The following ZNF445 variants were observed in gnomAD, a reference collection of about 807,000 sequenced individuals.
The protein encoded by ZNF445 is zinc finger protein 445, also known as zinc finger protein 168.
Under a neutral mutation model 93.9 loss-of-function variants are expected in ZNF445, and 19 were observed. That is an observed-to-expected ratio of 0.20 (90% CI 0.14 to 0.30). ZNF445 has a LOEUF of 0.30. Ranked by LOEUF, ZNF445 falls within the 10% of genes least tolerant of loss-of-function variation. ZNF445 has a pLI of 1.00. For synonymous variants in ZNF445, 449 were observed against 446.3 expected (o/e 1.01, Z -0.08); for missense variants, 1,058 against 1,259.4 (o/e 0.84, Z 2.42).
At chr3:44,474,237 C>T (rs1039035585) in intron 1 of ZNF445, among the ~76,000 whole-genome samples, 2 of 152,096 alleles carry the variant, frequency 1.3e-5, no homozygotes, top group African/African-American at 2.4e-5. Flanking sequence ...AATATAAGGC[C>T]GGCACGGTGG....
chr3:44,446,949 T>G lies in ZNF445; in HGVS notation c.2722A>C (p.Arg908=). ...CTCTGGTGACTGGAAAGGGTATGTC[T>G]CCCAATGAACTCTTTCCCACACCAC... The part of the protein sequence containing the change: ...CQWCGKEFIG[R]HTLSSHQRKH... Residue 908 remains arginine, a synonymous_variant, in exon 8 of 8, where the codon AGA becomes CGA. Transcript: ENST00000396077. This position sits in a 1 kb window ranked among gnomAD's most constrained non-coding sequence, Gnocchi z 4.2. 2 of 1,614,138 alleles carry G rather than the reference T, an allele frequency of 1.2e-6. No individual in the cohort carries two copies. Among genetic ancestry groups the G allele is most frequent in the Non-Finnish European group, 1.7e-6 (2 of 1,180,026 alleles).
rs554867731 is a variant in ZNF445, at chr3:44,445,554, G to A, written c.*1021C>T. The stretch of plus-strand genomic sequence containing the variant: ...ACTCCATCCCAGGGGCTTCCTTCCT[G>A]AGGACACCAGTCAAGACCCAATCTC... On this transcript the variant is annotated 3_prime_UTR_variant, in exon 8 of 8. Coordinates refer to ENST00000396077, the MANE Select transcript of ZNF445 (RefSeq NM_181489.6). 6.6e-6 allele frequency: 1 copy of A among 152,516 alleles called. No homozygotes were observed. The highest frequency in any genetic ancestry group is 1.5e-5 in the Non-Finnish European group (1 of 68,306). The allele number at this position is 152,516 out of a possible 1,614,324, so 9.4% of individuals were successfully genotyped here. A position where few individuals can be genotyped will look rare whatever the true frequency, so the allele number is the denominator to read the frequency against.
chr3:44,448,321 A>G lies in ZNF445; in HGVS notation c.1350T>C (p.Ile450=). The change falls in exon 8 of 8, where the codon ATT becomes ATC. Residue 450 remains isoleucine, a synonymous_variant. Coordinates refer to ENST00000396077, the MANE Select transcript of ZNF445 (RefSeq NM_181489.6). ...TTTTGTTCCCTTTCAGTCCACTATG[A>G]ATTCTCTGATGTAGGCTGAAGCCCC... The part of the protein sequence containing the change: ...MIGGFSLHQR[I]HSGLKGNKKD... The G allele has an allele frequency of 1.9e-6, 3 of 1,614,100 alleles. No individual in the cohort carries two copies. Among genetic ancestry groups the G allele is most frequent in the Non-Finnish European group, 2.5e-6 (3 of 1,180,016 alleles).
chr3:44,462,578 T>C (rs954571732), intron 1 of ZNF445, among the ~76,000 whole-genome samples: 5 of 152,148 alleles, frequency 3.3e-5, no homozygotes, highest in African/African-American at 4.8e-5. Flanking sequence ...AACTTTGCCA[T>C]TTATTGAGGT....
At chr3:44,474,997 C>G (rs978486211) in intron 1 of ZNF445, among the ~76,000 whole-genome samples, 1 of 152,002 alleles carries the variant, frequency 6.6e-6, no homozygotes, top group South Asian at 2.1e-4. Flanking sequence ...ACTCAGGAGG[C>G]TAAGGAGGGA....
Position 44,446,843 on chromosome 3 carries a change from T to G in ZNF445, c.2828A>C (p.Lys943Thr), listed in dbSNP as rs541459573. Residue 943 changes from lysine (K) to threonine (T), a missense_variant, in exon 8 of 8, where the codon AAG becomes ACG. This residue lies in a region of ZNF445 where 387 missense variants were observed against 475.7 expected (regional missense o/e 0.81). Transcript: ENST00000396077. This position sits in a 1 kb window ranked among gnomAD's most constrained non-coding sequence, Gnocchi z 4.2. Reference sequence around the variant, plus strand: ...GGGCATCTCTTCACTTGGTTTTAGCTTCTGTAATCTCAACTTTGTGTCCTG... The same window carrying G: ...GGGCATCTCTTCACTTGGTTTTAGCGTCTGTAATCTCAACTTTGTGTCCTG... ...SSQDTKLRLQ[K>T]LKPSEEMPLE... 4.3e-6 allele frequency: 7 copies of G among 1,614,196 alleles called. No individual in the cohort carries two copies. The highest frequency in any genetic ancestry group is 5.9e-6 in the Non-Finnish European group (7 of 1,180,046).
In ZNF445 at chr3:44,435,560, T is replaced by G. The variant is rs571712887; in HGVS notation, c.*11015A>C. On this transcript the variant is annotated 3_prime_UTR_variant, in exon 8 of 8. Transcript: ENST00000396077. ...GGAGATGTGTTCCCGTCTTTGATGG[T>G]GGCACTAATCTCAACAATCTCTCCA... The G allele has an allele frequency of 6.6e-6, 1 of 152,230 alleles. No individual in the cohort carries two copies. The highest frequency in any genetic ancestry group is 3.2e-3 in the Middle Eastern group (1 of 316). 9.4% of individuals were successfully genotyped at this position (152,230 alleles called of 1,614,324 possible). A position where few individuals can be genotyped will look rare whatever the true frequency, so the allele number is the denominator to read the frequency against.
Position 44,448,531 on chromosome 3 carries a change from G to C in ZNF445, c.1140C>G (p.Phe380Leu). The C allele has an allele frequency of 2.5e-6, 4 of 1,614,046 alleles. No individual in the cohort carries two copies. Among genetic ancestry groups the C allele is most frequent in the Non-Finnish European group, 3.4e-6 (4 of 1,180,030 alleles). Residue 380 changes from phenylalanine to leucine, a missense_variant, in exon 8 of 8, where the codon TTC (phenylalanine) becomes TTG (leucine). Physicochemically the swap from Phe to Leu is conservative, Grantham distance 22 (BLOSUM62 0). Transcript: ENST00000396077. ...CAGAGTCTTTTCCTGTCCTGTGACT[G>C]AAATTGGTCTCTTCTTTCTTAACTC... ...QVRVKKEETN[F>L]SHRTGKDSEV...
chr3:44,443,755 C>CA lies in ZNF445; in HGVS notation c.*2819dup, dbSNP rs556769276. On this transcript the variant is annotated 3_prime_UTR_variant, in exon 8 of 8. Transcript: ENST00000396077. The stretch of plus-strand genomic sequence containing the variant: ...TGGGTAACAGAGTGAGACTCCGTAT[C>CA]AAAAAAAAAAAAAAATTCAGTTTTT... 21,876 of 135,046 alleles carry CA rather than the reference C, an allele frequency of 0.16. 1,669 individuals carry two copies. Among genetic ancestry groups the CA allele is most frequent in the African/African-American group, 0.19 (7,076 of 36,838 alleles). The allele number at this position is 135,046 out of a possible 1,614,324, so 8.4% of individuals were successfully genotyped here. A position where few individuals can be genotyped will look rare whatever the true frequency, so the allele number is the denominator to read the frequency against.
chr3:44,447,353 T>C lies in ZNF445; in HGVS notation c.2318A>G (p.Asn773Ser), dbSNP rs1697890501. 1 of 1,614,174 alleles carries C rather than the reference T, an allele frequency of 6.2e-7. No homozygotes were observed. The highest frequency in any genetic ancestry group is 8.5e-7 in the Non-Finnish European group (1 of 1,180,024). The change falls in exon 8 of 8, where the codon AAT becomes AGT. Residue 773 changes from asparagine to serine, a missense_variant. Around this residue, in one of 3 missense-constraint regions of ZNF445, gnomAD observed 387 missense variants for 475.7 expected, o/e 0.81. Transcript: ENST00000396077. This position sits in a 1 kb window ranked among gnomAD's most constrained non-coding sequence, Gnocchi z 4.7. ...CTGATGGATGAGGAGGAATGAGTGA[T>C]TGCGGAAGGCCTTGCCACACTGGCT... ...KCSQCGKAFRNHSFLLIHQRV... is the reference protein window; with the variant it reads ...KCSQCGKAFRSHSFLLIHQRV...
rs771268469 is a variant in ZNF445, at chr3:44,448,169, G to C, written c.1502C>G (p.Ala501Gly). 5.6e-6 allele frequency: 9 copies of C among 1,613,956 alleles called. No homozygotes were observed. Among genetic ancestry groups the C allele is most frequent in the Non-Finnish European group, 7.6e-6 (9 of 1,180,044 alleles). The change falls in exon 8 of 8, where the codon GCG becomes GGG. Residue 501 changes from alanine to glycine, a missense_variant. Physicochemically the swap from Ala to Gly is moderately conservative, Grantham distance 60. Transcript: ENST00000396077. Reference sequence around the variant, plus strand: ...TTGAGTGTGAAGTCTCTGATGATACGCAAGATGGGAGCTATGACTGAAAGT... The same window carrying C: ...TTGAGTGTGAAGTCTCTGATGATACCCAAGATGGGAGCTATGACTGAAAGT... Reference protein sequence around the residue: ...GRTFSHSSHLAYHQRLHTQEK... With the variant: ...GRTFSHSSHLGYHQRLHTQEK...
At chr3:44,470,306 A>G (rs1034750045) in intron 1 of ZNF445, among the ~76,000 whole-genome samples, 3 of 152,214 alleles carry the variant, frequency 2.0e-5, no homozygotes, top group African/African-American at 7.2e-5. Context: ...AATATGTGCT[A>G]AGTTTGAAAG....
chr3:44,477,353 A>G (rs573938441), intron 1 of ZNF445, among the ~76,000 whole-genome samples: 1 of 152,330 alleles, frequency 6.6e-6, no homozygotes, highest in African/African-American at 2.4e-5. Context: ...GAAACGAGAA[A>G]GCCCGGAGAA....
At chr3:44,452,086 A>G (rs1697965721) in intron 3 of ZNF445, among the ~76,000 whole-genome samples, 3 of 152,238 alleles carry the variant, frequency 2.0e-5, no homozygotes, top group African/African-American at 7.2e-5. Flanking sequence ...GGCAGTGTCC[A>G]TCTAAGTAGA....
chr3:44,473,580 A>G (rs1698303185), intron 1 of ZNF445, among the ~76,000 whole-genome samples: 1 of 152,082 alleles, frequency 6.6e-6, no homozygotes, highest in Non-Finnish European at 1.5e-5. Flanking sequence ...GGGAGTGCCC[A>G]AAATTTGATT....
rs1221890653 is a variant in ZNF445, at chr3:44,433,099, C to T, written c.*13476G>A. 6.6e-6 allele frequency: 1 copy of T among 151,940 alleles called. No homozygotes were observed. 9.4% of individuals were successfully genotyped at this position (151,940 alleles called of 1,614,324 possible). ...ACTCTCCATCTCTCACCACCCAAAG[C>T]TTCCTGGGATGCTAAGGGTCATCGT... On this transcript the variant is annotated 3_prime_UTR_variant, in exon 8 of 8. Coordinates refer to ENST00000396077, the MANE Select transcript of ZNF445 (RefSeq NM_181489.6).
In ZNF445 at chr3:44,448,212, A is replaced by G. The variant is rs1175110192; in HGVS notation, c.1459T>C (p.Cys487Arg). 1 of 1,614,192 alleles carries G rather than the reference A, an allele frequency of 6.2e-7. No homozygotes were observed. The change falls in exon 8 of 8, where the codon TGC becomes CGC. Residue 487 changes from cysteine (C) to arginine (R), a missense_variant. Around this residue, in one of 3 missense-constraint regions of ZNF445, gnomAD observed 657 missense variants for 746.4 expected, o/e 0.88. Coordinates refer to ENST00000396077, the MANE Select transcript of ZNF445 (RefSeq NM_181489.6). ...CTGAAAGTCCTTCCACAGTCACTGC[A>G]CTTAAATGACACTCCCACTGTGTGA... ...SLHTVGVSFK[C>R]SDCGRTFSHS... is the part of the protein sequence containing the mutation.
At chr3:44,449,147 T>G in intron 7 of ZNF445, among the ~76,000 whole-genome samples, 1 of 150,352 alleles carries the variant, frequency 6.7e-6, no homozygotes. Context: ...AGAACAGGAG[T>G]GGGATGAGGG....
At chr3:44,470,483 A>G (rs1393612714) in intron 1 of ZNF445, among the ~76,000 whole-genome samples, 2 of 152,244 alleles carry the variant, frequency 1.3e-5, no homozygotes, top group African/African-American at 4.8e-5. Flanking sequence ...AGAGAATTGC[A>G]TTTAAAAGCA....
Sources: gnomAD v4.1 joint callset for allele counts (sites outside exome capture counted in the v4.1 genomes callset) on GRCh38, gnomAD v4.1.1 for gene constraint, gnomAD v4.1.1 regional missense constraint, Gnocchi (gnomAD v3.1) non-coding constraint, MANE v1.5 for transcripts, NCBI Gene and HGNC (gene_info 2026-07-23, HGNC 2026-07-21) for gene names.